ERBB4: variants seen among roughly 807,000 people sequenced by gnomAD.
The protein encoded by ERBB4 is receptor tyrosine-protein kinase erbB-4.
Under a neutral mutation model 158.0 loss-of-function variants are expected in ERBB4, and 42 were observed. That is an observed-to-expected ratio of 0.27 (90% confidence interval 0.21 to 0.34). ERBB4 has a LOEUF of 0.34. Among genes scored for constraint, ERBB4 ranks in the 10% least tolerant of loss-of-function variants. The pLI is 1.00. For synonymous variants in ERBB4, 583 were observed against 558.7 expected (o/e 1.04, Z -0.61); for missense variants, 1,333 against 1,624.1 (o/e 0.82, Z 3.08).
At chr2:212,316,204 C>T (rs1037574643) in intron 1 of ERBB4, among the ~76,000 whole-genome samples, 1 of 151,338 alleles carries the variant, frequency 6.6e-6, no homozygotes, top group Non-Finnish European at 1.5e-5. Context: ...ACAATAACTA[C>T]TTTTTGGATG....
At chr2:211,588,945 C>T (rs1246437365) in intron 19 of ERBB4, among the ~76,000 whole-genome samples, 1 of 152,068 alleles carries the variant, frequency 6.6e-6, no homozygotes, top group Non-Finnish European at 1.5e-5. Flanking sequence ...ATACCTGCCA[C>T]TGCTATAGAA....
intron 27 of ERBB4, among the ~76,000 whole-genome samples, chr2:211,385,477 C>T (rs1403440479): frequency 1.3e-5 from 2 of 152,062 alleles, no homozygotes; most frequent in African/African-American, 4.8e-5. Flanking sequence ...GTTGGGTGAA[C>T]TTTATGCTTA....
rs61042785 is a variant in ERBB4, at chr2:211,513,357, C to CAAA, written c.2487+48543_2487+48545dup. On this transcript the variant is annotated intron_variant, in intron 20 of 27. Transcript: ENST00000342788. ...TGGGCGACAGAGCGAGACTCCGTCT[C>CAAA]AAAAAAAAAAAAAAAAAAACAAAAA... Among the ~76,000 whole-genome samples the CAAA allele has an allele frequency of 8.5e-3, 334 of 39,066 alleles. 6 individuals carry two copies. The highest frequency in any genetic ancestry group is 0.02 in the African/African-American group (296 of 15,074). 25.6% of individuals were successfully genotyped at this position (39,066 alleles called of 152,430 possible).
intron 3 of ERBB4, among the ~76,000 whole-genome samples, chr2:211,893,526 A>G (rs1392960366): frequency 7.0e-6 from 1 of 142,082 alleles, no homozygotes; most frequent in African/African-American, 2.8e-5. Flanking sequence ...CAAAACACCA[A>G]AAGCAATGGC....
chr2:211,949,480 A>C (rs2125144335), intron 2 of ERBB4, among the ~76,000 whole-genome samples: 1 of 152,294 alleles, frequency 6.6e-6, no homozygotes, highest in Admixed American at 6.5e-5. Flanking sequence ...TATATGATGA[A>C]ATGATAACAT....
At chr2:211,569,194 T>C (rs2067641041) in intron 19 of ERBB4, among the ~76,000 whole-genome samples, 1 of 152,244 alleles carries the variant, frequency 6.6e-6, no homozygotes, top group Non-Finnish European at 1.5e-5. Flanking sequence ...ACGTTAGATT[T>C]AGTCACTAAC....
At chr2:211,698,806 A>C (rs953950999) in intron 12 of ERBB4, among the ~76,000 whole-genome samples, 12 of 152,148 alleles carry the variant, frequency 7.9e-5, no homozygotes, top group African/African-American at 2.7e-4. Flanking sequence ...AGAAACTTCA[A>C]ATGCTTTTAT....
chr2:211,870,439 T>C (rs948210366), intron 3 of ERBB4, among the ~76,000 whole-genome samples: 1 of 139,022 alleles, frequency 7.2e-6, no homozygotes, highest in African/African-American at 2.5e-5. Context: ...AAGATTTCCA[T>C]TGTTATGTCC....
At chr2:211,873,981 T>C (rs959916064) in intron 3 of ERBB4, among the ~76,000 whole-genome samples, 3 of 152,154 alleles carry the variant, frequency 2.0e-5, no homozygotes, top group African/African-American at 7.2e-5. Context: ...AGATTTTTAA[T>C]ATATCAAGTG....
intron 1 of ERBB4, among the ~76,000 whole-genome samples, chr2:212,287,627 G>C (rs184848771): frequency 1.3e-5 from 2 of 151,930 alleles, no homozygotes; most frequent in African/African-American, 4.8e-5. Context: ...AGTAAGAGGC[G>C]TGCTCTTTGC....
At chr2:211,811,006 C>T (rs2076740930) in intron 3 of ERBB4, among the ~76,000 whole-genome samples, 2 of 152,146 alleles carry the variant, frequency 1.3e-5, no homozygotes, top group Non-Finnish European at 2.9e-5. Context: ...GTGTTCAGCC[C>T]ATTTACATTT....
At chr2:212,325,052 C>T (rs185960500) in intron 1 of ERBB4, among the ~76,000 whole-genome samples, 16 of 150,696 alleles carry the variant, frequency 1.1e-4, no homozygotes, top group Non-Finnish European at 1.9e-4. Context: ...CTTTAGAATG[C>T]GTTTGCAGTA....
chr2:212,162,087 T>G (rs145942358), intron 1 of ERBB4, among the ~76,000 whole-genome samples: 7 of 151,982 alleles, frequency 4.6e-5, no homozygotes, highest in African/African-American at 1.7e-4. Flanking sequence ...TTCTACTTCT[T>G]GGTATTTACT....
intron 25 of ERBB4, among the ~76,000 whole-genome samples, chr2:211,394,027 C>T (rs564152725): frequency 6.6e-5 from 10 of 152,086 alleles, no homozygotes; most frequent in South Asian, 6.2e-4. Context: ...ATTGTATCCC[C>T]GGGCAGCAAT....
chr2:211,487,001 GT>G (rs762244991), intron 20 of ERBB4, among the ~76,000 whole-genome samples: 63 of 150,948 alleles, frequency 4.2e-4, no homozygotes, highest in Admixed American at 2.6e-3. Flanking sequence ...TTTTTTTGTA[GT>G]TTTTTTTATT....
At chr2:212,331,809 A>G (rs548107799) in intron 1 of ERBB4, among the ~76,000 whole-genome samples, 1 of 152,160 alleles carries the variant, frequency 6.6e-6, no homozygotes, top group South Asian at 2.1e-4. Flanking sequence ...TCATTTTTAT[A>G]CAGTAATTTA....
intron 2 of ERBB4, 107 bp downstream of exon 2, chr2:212,124,645 G>T: frequency 7.9e-7 from 1 of 1,273,796 alleles, no homozygotes; most frequent in Non-Finnish European, 1.1e-6. Context: ...CACAGTGCCT[G>T]CCAGGCAGAA....
At chr2:211,961,753 G>A (rs1418495048) in intron 2 of ERBB4, among the ~76,000 whole-genome samples, 1 of 152,056 alleles carries the variant, frequency 6.6e-6, no homozygotes, top group Non-Finnish European at 1.5e-5. Flanking sequence ...TCATGAATAT[G>A]CAATTAACAA....
intron 2 of ERBB4, among the ~76,000 whole-genome samples, chr2:211,964,114 AT>A (rs1263949792): frequency 6.6e-6 from 1 of 152,116 alleles, no homozygotes; most frequent in East Asian, 1.9e-4. Context: ...TTGGGAAGGG[AT>A]TTATCAATCA....
Sources: allele counts gnomAD v4.1 joint callset (sites outside exome capture counted in the v4.1 genomes callset), GRCh38; gene constraint gnomAD v4.1.1; transcripts MANE v1.5; gene names NCBI Gene and HGNC (gene_info 2026-07-23, HGNC 2026-07-21).